The following PPARD variants were observed in gnomAD, a reference collection of about 807,000 sequenced individuals.
PPARD encodes peroxisome proliferator activated receptor delta.
A neutral mutation model predicts 39.5 loss-of-function variants in PPARD; 6 were observed. The observed-to-expected ratio is 0.15, with a 90% confidence interval of 0.08 to 0.30. PPARD has a LOEUF of 0.30. Ranked by LOEUF, PPARD falls within the 10% of genes least tolerant of loss-of-function variation. The pLI is 1.00. For synonymous variants in PPARD, 210 were observed against 231.3 expected, an observed-to-expected ratio of 0.91 and a Z score of 0.83; for missense variants, 397 against 596.8, an observed-to-expected ratio of 0.67 and a Z score of 3.49.
chr6:35,385,784 C>CA (rs1395073007), intron 2 of PPARD, among the ~76,000 whole-genome samples: 79 of 152,020 alleles, frequency 5.2e-4, no homozygotes, highest in African/African-American at 1.7e-3. Context: ...TTTAGACAGT[C>CA]AGCAGGAGAG....
intron 2 of PPARD, among the ~76,000 whole-genome samples, chr6:35,362,645 G>A (rs764213456): frequency 3.9e-5 from 6 of 152,140 alleles, no homozygotes; most frequent in Non-Finnish European, 8.8e-5. Flanking sequence ...GGTCCCTGGT[G>A]CTGTCTTGAG....
chr6:35,418,666 T>C (rs1310149292), intron 3 of PPARD, among the ~76,000 whole-genome samples: 2 of 151,672 alleles, frequency 1.3e-5, no homozygotes, highest in African/African-American at 4.9e-5. Context: ...GCCCGAGAGA[T>C]GTAGGGAGCC....
rs138335713 is a variant in PPARD, at chr6:35,389,315, T to C, written c.-101-21672T>C. On this transcript the variant is annotated intron_variant, in intron 2 of 7. Transcript: ENST00000360694. Reference sequence around the variant, plus strand: ...TTTTTTGGTTTGTTTTTTGTTTGTTTATTTTGTTTTTTTGAGATGGAGTCT... The same window carrying C: ...TTTTTTGGTTTGTTTTTTGTTTGTTCATTTTGTTTTTTTGAGATGGAGTCT... Among the ~76,000 whole-genome samples, 63 of 152,266 alleles carry C rather than the reference T, an allele frequency of 4.1e-4. No individual in the cohort carries two copies. In the East Asian group the frequency reaches 0.01, roughly 25 times the overall value.
At chr6:35,413,881 A>G (rs182233262) in intron 3 of PPARD, among the ~76,000 whole-genome samples, 69 of 152,044 alleles carry the variant, frequency 4.5e-4, no homozygotes, top group Admixed American at 1.2e-3. Context: ...ATGGGGTTCC[A>G]CTGTGTTGGC....
chr6:35,404,697 A>G (rs1764916329), intron 2 of PPARD, among the ~76,000 whole-genome samples: 2 of 152,154 alleles, frequency 1.3e-5, no homozygotes, highest in Admixed American at 1.3e-4. Flanking sequence ...GGGAAGGGAG[A>G]CAACTGGACT....
intron 2 of PPARD, among the ~76,000 whole-genome samples, chr6:35,390,018 C>T (rs571962049): frequency 6.6e-6 from 1 of 152,328 alleles, no homozygotes; most frequent in South Asian, 2.1e-4. Flanking sequence ...TAGCCAGGTC[C>T]TGGCCCTTTA....
intron 2 of PPARD, among the ~76,000 whole-genome samples, chr6:35,381,258 T>G (rs550775962): frequency 5.9e-5 from 9 of 152,264 alleles, no homozygotes; most frequent in South Asian, 2.1e-4. Context: ...TGTAACGTAA[T>G]GACAAATTAT....
Position 35,426,037 on chromosome 6 carries a change from G to A in PPARD, c.1284G>A (p.Ser428=), listed in dbSNP as rs754879803. ...TCAAGAAGACCGAAACCGAGACCTC[G>A]CTGCACCCTCTGCTCCAGGAGATCT... is the stretch of plus-strand genomic sequence containing the variant. ...QRIKKTETET[S]LHPLLQEIYK... is the part of the protein sequence containing the mutation. Residue 428 remains serine, a synonymous_variant, in exon 8 of 8, where the codon TCG becomes TCA. Transcript: ENST00000360694. 7.4e-6 allele frequency: 12 copies of A among 1,612,688 alleles called. No individual in the cohort carries two copies. The African/African-American group carries it at 8.1e-5, about 11-fold the overall frequency.
Position 35,425,249 on chromosome 6 carries a change from G to T in PPARD, c.1078+470G>T. The T allele has an allele frequency of 1.0e-6, 1 of 997,118 alleles. No homozygotes were observed. 61.8% of individuals were successfully genotyped at this position (997,118 alleles called of 1,614,324 possible). On this transcript the variant is annotated intron_variant, in intron 7 of 7. Coordinates refer to ENST00000360694, the MANE Select transcript of PPARD (RefSeq NM_006238.5). This position sits in a 1 kb window ranked among gnomAD's most constrained non-coding sequence, Gnocchi z 4.5. Reference sequence around the variant, plus strand: ...AAATCCCACCACTGCACTCCAGCCTGGGTGACAGAGTGAGACCCTGTCTCA... The same window carrying T: ...AAATCCCACCACTGCACTCCAGCCTTGGTGACAGAGTGAGACCCTGTCTCA...
At chr6:35,383,783 C>T (rs1348466798) in intron 2 of PPARD, among the ~76,000 whole-genome samples, 2 of 145,078 alleles carry the variant, frequency 1.4e-5, no homozygotes, top group Non-Finnish European at 3.0e-5. Flanking sequence ...TGAGGAGACC[C>T]TCTGCCCGGC....
intron 2 of PPARD, among the ~76,000 whole-genome samples, chr6:35,384,896 T>C (rs1180414774): frequency 2.1e-3 from 220 of 104,106 alleles, no homozygotes; most frequent in Middle Eastern, 6.4e-3. Flanking sequence ...CGCCTCTGCC[T>C]GGCCGCCCCT....
chr6:35,365,663 G>A (rs1231063935), intron 2 of PPARD, among the ~76,000 whole-genome samples: 1 of 151,352 alleles, frequency 6.6e-6, no homozygotes, highest in Non-Finnish European at 1.5e-5. Flanking sequence ...GCTGATTTTT[G>A]TATTTTTAGT....
intron 2 of PPARD, among the ~76,000 whole-genome samples, chr6:35,374,226 C>G (rs1187489605): frequency 6.7e-6 from 1 of 150,328 alleles, no homozygotes; most frequent in Non-Finnish European, 1.5e-5. Flanking sequence ...TTCACATCAC[C>G]CAGCAGGAGC....
chr6:35,414,827 CT>C (rs775138199), intron 3 of PPARD, among the ~76,000 whole-genome samples: 4 of 152,164 alleles, frequency 2.6e-5, no homozygotes, highest in Non-Finnish European at 5.9e-5. Flanking sequence ...ACAGTCACCC[CT>C]GACCACCCTC....
At chr6:35,410,910 C>T (rs1385998612) in intron 2 of PPARD, 77 bp from the exon 3 acceptor site, 8 of 1,249,686 alleles carry the variant, frequency 6.4e-6, no homozygotes, top group African/African-American at 1.5e-5. Flanking sequence ...CAGCAGCCCC[C>T]AAGCGTGCCC....
rs977918821 is a variant in PPARD, at chr6:35,428,084, A to G, written c.*2005A>G. On this transcript the variant is annotated 3_prime_UTR_variant, in exon 8 of 8. Coordinates refer to ENST00000360694, the MANE Select transcript of PPARD (RefSeq NM_006238.5). ...TGAACAATCTCCAAAATTGAAATGTATATTTTTGCTAGGAGCCCCAGCTTC... is the reference window on the plus strand; with the variant it reads ...TGAACAATCTCCAAAATTGAAATGTGTATTTTTGCTAGGAGCCCCAGCTTC... The G allele has an allele frequency of 6.6e-6, 1 of 152,666 alleles. No individual in the cohort carries two copies. Among genetic ancestry groups the G allele is most frequent in the African/African-American group, 2.4e-5 (1 of 41,448 alleles). The allele number at this position is 152,666 out of a possible 1,614,324, so 9.5% of individuals were successfully genotyped here.
intron 1 of PPARD, among the ~76,000 whole-genome samples, chr6:35,346,419 C>T (rs1792187561): frequency 6.6e-6 from 1 of 152,190 alleles, no homozygotes; most frequent in African/African-American, 2.4e-5. Context: ...TATATGATGT[C>T]AGAAGCCCTG....
intron 3 of PPARD, among the ~76,000 whole-genome samples, chr6:35,418,106 C>T (rs749657488): frequency 1.7e-4 from 26 of 152,104 alleles, no homozygotes; most frequent in Non-Finnish European, 1.6e-4. Context: ...CCAAAGGGAA[C>T]GTGAGTAGAG....
intron 1 of PPARD, among the ~76,000 whole-genome samples, chr6:35,346,670 A>C (rs1792202723): frequency 6.6e-6 from 1 of 152,148 alleles, no homozygotes; most frequent in Non-Finnish European, 1.5e-5. Flanking sequence ...GATGGCTCCT[A>C]GCCTTCATAA....
Sources: allele counts gnomAD v4.1 joint callset (sites outside exome capture counted in the v4.1 genomes callset), GRCh38; gene constraint gnomAD v4.1.1; non-coding constraint Gnocchi (gnomAD v3.1); transcripts MANE v1.5; gene names NCBI Gene and HGNC (gene_info 2026-07-23, HGNC 2026-07-21).